ADAD2: variants seen among roughly 807,000 people sequenced by gnomAD.
ADAD2 encodes the protein adenosine deaminase domain containing 2, also known as adenosine deaminase domain-containing protein 2.
ADAD2 carries 60 observed loss-of-function variants against 54.5 expected under a neutral mutation model. That is an observed-to-expected ratio of 1.10 (90% confidence interval 0.89 to 1.36). The LOEUF is 1.36. Ranked by LOEUF, ADAD2 falls within the 40% of genes most tolerant of loss-of-function variation. ADAD2 has a pLI of 0.00. For synonymous variants in ADAD2, 543 were observed against 366.2 expected, an observed-to-expected ratio of 1.48 and a Z score of -5.51; for missense variants, 1,103 against 801.3, an observed-to-expected ratio of 1.38 and a Z score of -4.54.
chr16:84,195,569 C>G lies in ADAD2; in HGVS notation c.924C>G (p.Gly308=), dbSNP rs774469734. The change falls in exon 6 of 10, where the codon GGC becomes GGG. Residue 308 remains glycine (G), a synonymous_variant. Coordinates refer to ENST00000315906, the MANE Select transcript of ADAD2 (RefSeq NM_001145400.2). The part of the protein sequence containing the change: ...FRQLLLATQG[G]PKGKEQSVLA... ...AGCTCCTGCTGGCCACACAGGGGGG[C>G]CCCAAGGGCAAGGAGCAGTCCGTGC... 1 of 1,600,500 alleles carries G rather than the reference C, an allele frequency of 6.2e-7. No homozygotes were observed. Among genetic ancestry groups the G allele is most frequent in the Admixed American group, 1.7e-5 (1 of 58,390 alleles).
At position 84,191,437 on chromosome 16, in the gene ADAD2, TGGGGCAGGGGCCGGAGTCGGGGAACTG is replaced by T. The variant is rs2089651457; in HGVS notation, c.215_241del (p.Gly72_Ala80del). On this transcript the variant is annotated inframe_deletion, in exon 1 of 10. Coordinates refer to ENST00000315906, the MANE Select transcript of ADAD2 (RefSeq NM_001145400.2). ...TCTCGGTGTTGAGGGACAGTGGGCC[TGGGGCAGGGGCCGGAGTCGGGGAACTG>T]GGGGCAGCCCGGGCGTGGGAAAACT... 6.6e-7 allele frequency: 1 copy of T among 1,512,626 alleles called. No homozygotes were observed. Among genetic ancestry groups the T allele is most frequent in the Non-Finnish European group, 8.8e-7 (1 of 1,133,752 alleles). The allele number at this position is 1,512,626 out of a possible 1,614,324, so 93.7% of individuals were successfully genotyped here.
In ADAD2 at chr16:84,195,057, G is replaced by A. The variant is rs902202407; in HGVS notation, c.608-12G>A. The A allele has an allele frequency of 5.0e-6, 8 of 1,612,880 alleles. No individual in the cohort carries two copies. Among genetic ancestry groups the A allele is most frequent in the Admixed American group, 1.7e-5 (1 of 59,910 alleles). Reference sequence around the variant, plus strand: ...GGCCCCCTTCTACCTGCAGTCTCTCGCCCTGGCGCAGAGAACATCCTGACC... The same window carrying A: ...GGCCCCCTTCTACCTGCAGTCTCTCACCCTGGCGCAGAGAACATCCTGACC... On this transcript the variant is annotated splice_polypyrimidine_tract_variant and intron_variant, in intron 3 of 9. Transcript: ENST00000315906.
intron 1 of ADAD2, among the ~76,000 whole-genome samples, chr16:84,192,085 C>T (rs541419099): frequency 6.6e-6 from 1 of 152,266 alleles, no homozygotes; most frequent in African/African-American, 2.4e-5. Flanking sequence ...AGAGGTAAAC[C>T]GTTATTTCCT....
intron 1 of ADAD2, chr16:84,192,955 G>A (rs1002827117): frequency 2.7e-5 from 4 of 150,918 alleles, no homozygotes; most frequent in African/African-American, 7.3e-5. Context: ...AACGATTCTT[G>A]CGCCTCAGCC....
Position 84,196,279 on chromosome 16 carries a change from C to G in ADAD2, c.1435C>G (p.Pro479Ala), listed in dbSNP as rs752741067. ...GPPVAPSEPT[P>A]DTCRGLSLNW... Reference sequence around the variant, plus strand: ...CCCGGTGGCCCCTTCCGAACCCACCCCTGACACCTGCCGTGGCCTGAGCCT... The same window carrying G: ...CCCGGTGGCCCCTTCCGAACCCACCGCTGACACCTGCCGTGGCCTGAGCCT... Residue 479 changes from proline to alanine, a missense_variant, in exon 8 of 10, where the codon CCT becomes GCT. By Grantham distance (27) the Pro-to-Ala change is conservative (BLOSUM62 -1). Transcript: ENST00000315906. 2.5e-6 allele frequency: 4 copies of G among 1,612,942 alleles called. No individual in the cohort carries two copies. The highest frequency in any genetic ancestry group is 1.1e-5 in the South Asian group (1 of 91,082).
At chr16:84,196,429 C>G in intron 8 of ADAD2, 59 bp downstream of exon 8, 1 of 1,569,690 alleles carries the variant, frequency 6.4e-7, no homozygotes, top group Non-Finnish European at 8.6e-7. Flanking sequence ...AGGGCTCATG[C>G]ATGAGCTTCC....
intron 8 of ADAD2, 38 bp downstream of exon 8, chr16:84,196,408 G>A (rs2089731410): frequency 6.3e-7 from 1 of 1,589,514 alleles, no homozygotes; most frequent in East Asian, 2.2e-5. Flanking sequence ...GTGGAGCAGT[G>A]CTGGTGATGG....
rs752435606 is a variant in ADAD2, at chr16:84,196,140, C to T, written c.1296C>T (p.His432=). ...STSLILADSC[H]DPPTLSRAIH... ...TCTGCCCTGCAGCTGACTCATGCCA[C>T]GACCCTCCGACTCTGAGCAGGGCCA... The change falls in exon 8 of 10, where the codon CAC becomes CAT. Residue 432 remains histidine, a synonymous_variant. Transcript: ENST00000315906. 6 of 1,603,186 alleles carry T rather than the reference C, an allele frequency of 3.7e-6. No homozygotes were observed. The highest frequency in any genetic ancestry group is 1.1e-5 in the South Asian group (1 of 91,066).
At chr16:84,191,797 G>A in intron 1 of ADAD2, 149 bp downstream of exon 1, 5 of 1,207,916 alleles carry the variant, frequency 4.1e-6, no homozygotes, top group Non-Finnish European at 4.7e-6. Context: ...CTGAGCTTGG[G>A]ACCTTGGGGT....
intron 1 of ADAD2, among the ~76,000 whole-genome samples, chr16:84,192,184 G>C (rs1416521248): frequency 2.0e-5 from 3 of 152,052 alleles, no homozygotes; most frequent in Non-Finnish European, 1.5e-5. Context: ...TTACTCTGTT[G>C]CCCAGACTGG....
rs768169081 is a variant in ADAD2, at chr16:84,195,371, C to T, written c.809C>T (p.Ala270Val). Residue 270 changes from alanine (A) to valine (V), a missense_variant, in exon 5 of 10, where the codon GCT becomes GTT. Coordinates refer to ENST00000315906, the MANE Select transcript of ADAD2 (RefSeq NM_001145400.2). ...VALGTGSSCC[A>V]GWLEFSGQQL... is the part of the protein sequence containing the mutation. Reference sequence around the variant, plus strand: ...CTGGGCACCGGCAGCAGCTGCTGTGCTGGCTGGCTGGAGTTCTCGGGCCAG... The same window carrying T: ...CTGGGCACCGGCAGCAGCTGCTGTGTTGGCTGGCTGGAGTTCTCGGGCCAG... The T allele has an allele frequency of 6.2e-7, 1 of 1,609,072 alleles. No individual in the cohort carries two copies. The highest frequency in any genetic ancestry group is 8.5e-7 in the Non-Finnish European group (1 of 1,179,424).
rs1257184666 is a variant in ADAD2, at chr16:84,195,714, G to T, written c.1052+17G>T. 2.0e-6 allele frequency: 3 copies of T among 1,531,362 alleles called. No homozygotes were observed. The highest frequency in any genetic ancestry group is 1.8e-6 in the Non-Finnish European group (2 of 1,140,696). The allele number at this position is 1,531,362 out of a possible 1,614,324, so 94.9% of individuals were successfully genotyped here. A position where few individuals can be genotyped will look rare whatever the true frequency, so the allele number is the denominator to read the frequency against. On this transcript the variant is annotated intron_variant, in intron 6 of 9. Coordinates refer to ENST00000315906, the MANE Select transcript of ADAD2 (RefSeq NM_001145400.2). ...TGACATCTAGTATGCAGGGCCCCCGGGGCAGGCGGGGGATGGGGCTCCCTC... is the reference window on the plus strand; with the variant it reads ...TGACATCTAGTATGCAGGGCCCCCGTGGCAGGCGGGGGATGGGGCTCCCTC...
At chr16:84,192,605 A>G (rs1033495461) in intron 1 of ADAD2, 6 of 152,182 alleles carry the variant, frequency 3.9e-5, no homozygotes. Context: ...CAGTGGCACT[A>G]TCTCAGCCCA....
intron 8 of ADAD2, 125 bp from the exon 9 acceptor site, chr16:84,196,522 C>G: frequency 5.8e-6 from 9 of 1,548,838 alleles, no homozygotes; most frequent in Non-Finnish European, 7.9e-6. Context: ...GTGGCCACAC[C>G]TCTGTCTGCC....
Position 84,195,540 on chromosome 16 carries a change from C to G in ADAD2, c.895C>G (p.Arg299Gly), listed in dbSNP as rs768678872. ...GCCTGTCGCTCCTAGGTTCTTGTTC[C>G]GGCAGCTCCTGCTGGCCACACAGGG... The part of the protein sequence containing the change: ...ARRALLRFLF[R>G]QLLLATQGGP... Residue 299 changes from arginine (R) to glycine (G), a missense_variant, in exon 6 of 10, where the codon CGG becomes GGG. By Grantham distance (125) the Arg-to-Gly change is moderately radical. Transcript: ENST00000315906. 3 of 1,597,074 alleles carry G rather than the reference C, an allele frequency of 1.9e-6. No homozygotes were observed. Among genetic ancestry groups the G allele is most frequent in the Non-Finnish European group, 2.6e-6 (3 of 1,171,260 alleles).
Position 84,195,428 on chromosome 16 carries a change from C to T in ADAD2, c.866C>T (p.Ala289Val), listed in dbSNP as rs1216278003. ...QLHDCHGLVI[A>V]RRALLRFLFR... ...CACGACTGCCATGGCCTGGTCATCG[C>T]CCGCAGGGCCCTGCTGAGGTGAGGG... The change falls in exon 5 of 10, where the codon GCC (alanine) becomes GTC (valine). Residue 289 changes from alanine (A) to valine (V), a missense_variant. Ala to Val is a moderately conservative substitution (Grantham distance 64). Coordinates refer to ENST00000315906, the MANE Select transcript of ADAD2 (RefSeq NM_001145400.2). 3.1e-6 allele frequency: 5 copies of T among 1,609,610 alleles called. No homozygotes were observed. The highest frequency in any genetic ancestry group is 4.2e-6 in the Non-Finnish European group (5 of 1,179,586).
chr16:84,194,469 C>T lies in ADAD2; in HGVS notation c.446C>T (p.Ala149Val), dbSNP rs200315066. ...CCCTGCTTCCCCTTCTCGGTGAGCG[C>T]GGAACTGGATGGGGTGGTCTGCCCT... is the stretch of plus-strand genomic sequence containing the variant. ...PGPCFPFSVS[A>V]ELDGVVCPAG... Residue 149 changes from alanine (A) to valine (V), a missense_variant, in exon 2 of 10, where the codon GCG (alanine) becomes GTG (valine). By Grantham distance (64) the Ala-to-Val change is moderately conservative. Transcript: ENST00000315906. The T allele has an allele frequency of 3.2e-4, 519 of 1,609,070 alleles. No individual in the cohort carries two copies. The highest frequency in any genetic ancestry group is 8.4e-4 in the African/African-American group (63 of 74,966).
chr16:84,194,175 G>A (rs372232951), intron 1 of ADAD2: 1 of 1,596,936 alleles, frequency 6.3e-7, no homozygotes. Context: ...TGCCGTTTCT[G>A]CTCATCTGTG....
In ADAD2 at chr16:84,196,851, C is replaced by G. The variant is rs148199570; in HGVS notation, c.1648-19C>G. ...CTGCAGGTACCTCCTCTCACCCCACCTCTCATCTCCCGCCCTAGGCTGGGC... is the reference window on the plus strand; with the variant it reads ...CTGCAGGTACCTCCTCTCACCCCACGTCTCATCTCCCGCCCTAGGCTGGGC... On this transcript the variant is annotated intron_variant, in intron 9 of 9. Transcript: ENST00000315906. 47 of 1,591,450 alleles carry G rather than the reference C, an allele frequency of 3.0e-5. No homozygotes were observed. The highest frequency in any genetic ancestry group is 9.4e-5 in the African/African-American group (7 of 74,608).
Sources: gnomAD v4.1 joint callset for allele counts (sites outside exome capture counted in the v4.1 genomes callset) on GRCh38, gnomAD v4.1.1 for gene constraint, MANE v1.5 for transcripts, NCBI Gene and HGNC (gene_info 2026-07-23, HGNC 2026-07-21) for gene names.